Variants in SHB observed in about 807,000 individuals in gnomAD.
SHB encodes the protein SH2 domain-containing adapter protein B.
SHB carries 20 observed loss-of-function variants against 52.3 expected under a neutral mutation model. The ratio of observed to expected loss-of-function variants is 0.38; its 90% CI spans 0.27 to 0.56. The LOEUF (loss-of-function observed/expected upper bound fraction) is 0.56, where lower values mean the gene tolerates loss of function less well. Among genes scored for constraint, SHB ranks in the 20% least tolerant of loss-of-function variants. SHB has a pLI of 0.71. For missense variants in SHB, 825 were observed against 723.3 expected, an observed-to-expected ratio of 1.14 and a Z score of -1.61; for synonymous variants, 397 against 316.5, an observed-to-expected ratio of 1.25 and a Z score of -2.70.
chr9:38,020,579 C>T (rs1346726765), intron 1 of SHB, among the ~76,000 whole-genome samples: 2 of 152,146 alleles, frequency 1.3e-5, no homozygotes, highest in Non-Finnish European at 2.9e-5. Flanking sequence ...ACCCGACGTG[C>T]CATCTCCAGG....
At chr9:37,958,759 C>T (rs1431174687) in intron 3 of SHB, among the ~76,000 whole-genome samples, 1 of 152,224 alleles carries the variant, frequency 6.6e-6, no homozygotes, top group Non-Finnish European at 1.5e-5. Context: ...CCAGCATCTA[C>T]CCCTCGCTGG....
At chr9:37,934,668 A>G (rs549862248) in intron 5 of SHB, among the ~76,000 whole-genome samples, 1 of 152,334 alleles carries the variant, frequency 6.6e-6, no homozygotes, top group East Asian at 1.9e-4. Flanking sequence ...TGGAAATGGA[A>G]CATTCAAAGG....
At chr9:38,038,838 C>T (rs534929550) in intron 1 of SHB, among the ~76,000 whole-genome samples, 8 of 152,108 alleles carry the variant, frequency 5.3e-5, no homozygotes, top group Non-Finnish European at 1.0e-4. Flanking sequence ...CAGGGGCCAC[C>T]CCCCAGGGAG....
chr9:37,940,383 T>C (rs181416070), intron 5 of SHB, among the ~76,000 whole-genome samples: 1 of 152,396 alleles, frequency 6.6e-6, no homozygotes, highest in Admixed American at 6.5e-5. Flanking sequence ...TAAAGTTCAC[T>C]GTTCTCATTT....
At position 38,043,660 on chromosome 9, in the gene SHB, C is replaced by T. The variant is rs532834947; in HGVS notation, c.717+24269G>A. ...ATCCCAGCACTTTGGGAGGCCGAGG[C>T]GGGGGGATCACCTGAGGTCGGGAGT... On this transcript the variant is annotated intron_variant, in intron 1 of 5. Coordinates refer to ENST00000377707, the MANE Select transcript of SHB (RefSeq NM_003028.3). Among the ~76,000 whole-genome samples, 13 of 152,224 alleles carry T rather than the reference C, an allele frequency of 8.5e-5. No homozygotes were observed. In the South Asian group the frequency reaches 2.5e-3, roughly 29 times the overall value.
At chr9:37,960,786 T>A (rs1276795212) in intron 3 of SHB, among the ~76,000 whole-genome samples, 1 of 152,136 alleles carries the variant, frequency 6.6e-6, no homozygotes, top group Non-Finnish European at 1.5e-5. Context: ...CTTAGCTCTA[T>A]CCCTCCTACT....
intron 1 of SHB, among the ~76,000 whole-genome samples, chr9:38,020,886 C>T (rs1010364247): frequency 3.3e-5 from 5 of 152,210 alleles, no homozygotes; most frequent in African/African-American, 1.2e-4. Flanking sequence ...CTGTTTGAAA[C>T]CCACAGCAGC....
At chr9:38,040,675 C>T (rs7026073) in intron 1 of SHB, among the ~76,000 whole-genome samples, 88,552 of 151,720 alleles carry the variant, frequency 0.58, 25,919 homozygotes, top group Middle Eastern at 0.66. Flanking sequence ...GGGCACACTA[C>T]GGTGGGGGGG....
At chr9:38,005,639 TC>T (rs1339490160) in intron 2 of SHB, among the ~76,000 whole-genome samples, 7 of 151,982 alleles carry the variant, frequency 4.6e-5, no homozygotes, top group Non-Finnish European at 1.0e-4. Flanking sequence ...TTAGGGAGAG[TC>T]CTGGTATCAT....
chr9:38,017,268 T>C (rs1821224601), intron 1 of SHB, among the ~76,000 whole-genome samples: 1 of 152,162 alleles, frequency 6.6e-6, no homozygotes, highest in Non-Finnish European at 1.5e-5. Context: ...GCTGCTTCTC[T>C]TGGGAGGGGG....
chr9:38,004,286 T>C (rs975544486), intron 2 of SHB, among the ~76,000 whole-genome samples: 1 of 152,166 alleles, frequency 6.6e-6, no homozygotes, highest in African/African-American at 2.4e-5. Flanking sequence ...TGGTTCTGCC[T>C]TGAGCCACAG....
chr9:37,984,759 C>T (rs1820783516), intron 2 of SHB, among the ~76,000 whole-genome samples: 2 of 152,142 alleles, frequency 1.3e-5, no homozygotes, highest in African/African-American at 2.4e-5. Context: ...GTTCCAGGTG[C>T]CACATCAAAA....
chr9:37,946,146 C>T (rs1450896891), intron 5 of SHB, among the ~76,000 whole-genome samples: 1 of 152,244 alleles, frequency 6.6e-6, no homozygotes, highest in Non-Finnish European at 1.5e-5. Context: ...TATGGCGTGA[C>T]TGGCCAAGGC....
In SHB at chr9:38,016,067, C is replaced by G. The variant is rs888830847; in HGVS notation, c.782G>C (p.Gly261Ala). 12 of 1,614,056 alleles carry G rather than the reference C, an allele frequency of 7.4e-6. No individual in the cohort carries two copies. Among genetic ancestry groups the G allele is most frequent in the Non-Finnish European group, 9.3e-6 (11 of 1,179,980 alleles). The change falls in exon 2 of 6, where the codon GGA becomes GCA. Residue 261 changes from glycine (G) to alanine (A), a missense_variant. Coordinates refer to ENST00000377707, the MANE Select transcript of SHB (RefSeq NM_003028.3). ...DAKNDLKSKAGKGESAGYMEP... is the reference protein window; with the variant it reads ...DAKNDLKSKAAKGESAGYMEP... The stretch of plus-strand genomic sequence containing the variant: ...CATGTAGCCAGCACTCTCCCCCTTT[C>G]CTGCTTTGCTCTTGAGATCATTCTT...
intron 2 of SHB, among the ~76,000 whole-genome samples, chr9:37,979,136 C>A (rs1323072722): frequency 6.6e-6 from 1 of 152,214 alleles, no homozygotes; most frequent in Non-Finnish European, 1.5e-5. Context: ...ACCGATCTCA[C>A]AAGGGAGTCT....
intron 3 of SHB, among the ~76,000 whole-genome samples, chr9:37,967,321 A>C (rs922589532): frequency 3.3e-5 from 5 of 152,318 alleles, no homozygotes; most frequent in African/African-American, 1.2e-4. Flanking sequence ...TTTAGGAAAT[A>C]GACATACCTG....
chr9:37,982,471 C>A (rs1820744742), intron 2 of SHB, among the ~76,000 whole-genome samples: 1 of 151,752 alleles, frequency 6.6e-6, no homozygotes, highest in Non-Finnish European at 1.5e-5. Context: ...CCAGCCGGGG[C>A]AAAAGAGCAA....
chr9:37,949,213 C>T (rs1335655394), intron 4 of SHB, among the ~76,000 whole-genome samples: 2 of 151,692 alleles, frequency 1.3e-5, no homozygotes, highest in African/African-American at 2.4e-5. Context: ...GCCAACATGG[C>T]GAAACCCCAT....
intron 5 of SHB, 93 bp downstream of exon 5, chr9:37,948,542 G>A (rs757171959): frequency 2.1e-5 from 31 of 1,487,708 alleles, no homozygotes; most frequent in Non-Finnish European, 2.8e-5. Flanking sequence ...TTTCCCAGGG[G>A]ACACTGGCGG....
Sources: gnomAD v4.1 joint callset for allele counts (sites outside exome capture counted in the v4.1 genomes callset) on GRCh38, gnomAD v4.1.1 for gene constraint, MANE v1.5 for transcripts, NCBI Gene and HGNC (gene_info 2026-07-23, HGNC 2026-07-21) for gene names.